Variants in SLC4A5 observed in about 807,000 individuals in gnomAD.
SLC4A5 encodes solute carrier family 4 member 5.
SLC4A5 carries 96 observed loss-of-function variants against 120.4 expected under a neutral mutation model. The observed-to-expected ratio is 0.80, with a 90% CI of 0.68 to 0.94. SLC4A5 has a LOEUF of 0.94. SLC4A5 is among the 40% of genes least tolerant of loss of function. The pLI is 0.00. For missense variants in SLC4A5, 1,259 were observed against 1,459.5 expected (o/e 0.86, Z 2.24); for synonymous variants, 550 against 571.1 (o/e 0.96, Z 0.53).
chr2:74,280,017 CT>C (rs1020519156), intron 8 of SLC4A5, among the ~76,000 whole-genome samples: 7 of 152,288 alleles, frequency 4.6e-5, no homozygotes, highest in African/African-American at 1.7e-4. Flanking sequence ...GATGAACTCT[CT>C]TAAGGATATG....
intron 5 of SLC4A5, among the ~76,000 whole-genome samples, chr2:74,324,528 G>A (rs1673173266): frequency 6.6e-6 from 1 of 152,172 alleles, no homozygotes; most frequent in South Asian, 2.1e-4. Flanking sequence ...AGTTGCTGCT[G>A]ATGATGCTGA....
intron 8 of SLC4A5, among the ~76,000 whole-genome samples, chr2:74,271,671 T>A (rs1337820790): frequency 1.3e-5 from 2 of 151,838 alleles, no homozygotes; most frequent in Non-Finnish European, 2.9e-5. Flanking sequence ...CCTGCCCAGA[T>A]CAATTGCATT....
chr2:74,225,024 G>T, intron 27 of SLC4A5, 29 bp from the exon 28 acceptor site: 1 of 1,592,122 alleles, frequency 6.3e-7, no homozygotes, highest in South Asian at 1.2e-5. Context: ...AAAGTTTTGT[G>T]AGAATTTGGA....
chr2:74,286,062 T>C (rs1419752825), intron 7 of SLC4A5, among the ~76,000 whole-genome samples, 160 bp from the exon 8 acceptor site: 2 of 152,170 alleles, frequency 1.3e-5, no homozygotes, highest in Non-Finnish European at 2.9e-5. Context: ...CCTGTAACCA[T>C]GAATCAGAGG....
chr2:74,304,151 A>C (rs1672562575), intron 7 of SLC4A5, among the ~76,000 whole-genome samples: 1 of 152,198 alleles, frequency 6.6e-6, no homozygotes, highest in Admixed American at 6.5e-5. Flanking sequence ...GCCCGGCCGC[A>C]TGTCCATTAT....
At chr2:74,291,483 A>G (rs1032405470) in intron 7 of SLC4A5, among the ~76,000 whole-genome samples, 5 of 152,200 alleles carry the variant, frequency 3.3e-5, no homozygotes, top group Non-Finnish European at 7.3e-5. Flanking sequence ...ACCAAGACCC[A>G]GTTTACCCCA....
intron 12 of SLC4A5, among the ~76,000 whole-genome samples, chr2:74,257,999 G>C (rs375532276): frequency 5.4e-4 from 83 of 152,362 alleles, no homozygotes; most frequent in African/African-American, 1.9e-3. Flanking sequence ...ATGGGAGCAT[G>C]CTAGTGTTCC....
intron 5 of SLC4A5, 141 bp from the exon 6 acceptor site, chr2:74,315,166 G>A (rs1363622832): frequency 5.6e-6 from 4 of 712,410 alleles, no homozygotes; most frequent in Admixed American, 2.1e-5. Context: ...ATAACTGGGT[G>A]CAGTGGCTCA....
chr2:74,289,976 G>A (rs1481759078), intron 7 of SLC4A5, among the ~76,000 whole-genome samples: 1 of 152,158 alleles, frequency 6.6e-6, no homozygotes, highest in Non-Finnish European at 1.5e-5. Context: ...CAGTGACATG[G>A]CTCAAACCAC....
At chr2:74,248,987 T>C (rs1324079133) in intron 17 of SLC4A5, among the ~76,000 whole-genome samples, 2 of 152,226 alleles carry the variant, frequency 1.3e-5, no homozygotes, top group African/African-American at 2.4e-5. Flanking sequence ...AATTCCCATA[T>C]AGCAGGGTTT....
intron 12 of SLC4A5, among the ~76,000 whole-genome samples, chr2:74,256,590 G>A (rs1366347835): frequency 6.6e-6 from 1 of 152,194 alleles, no homozygotes; most frequent in Non-Finnish European, 1.5e-5. Context: ...CTTCATGGGA[G>A]GAAGGTCACA....
intron 14 of SLC4A5, among the ~76,000 whole-genome samples, chr2:74,254,291 A>G (rs1670887978): frequency 6.6e-6 from 1 of 152,072 alleles, no homozygotes; most frequent in Non-Finnish European, 1.5e-5. Flanking sequence ...CTTTGTTTGG[A>G]ATGCTTGCCT....
In SLC4A5 at chr2:74,269,375, G is replaced by T. The variant is rs77802249; in HGVS notation, c.402-4111C>A. On this transcript the variant is annotated intron_variant, in intron 8 of 30. Coordinates refer to ENST00000394019, the Ensembl canonical transcript of SLC4A5. ...TGCCTGCCACCAGGCCCGGCTGTTT[G>T]TTTTTTGTTTGTTTGTTTGTTTGTT... Among the ~76,000 whole-genome samples, 120 of 123,360 alleles carry T rather than the reference G, an allele frequency of 9.7e-4. 1 individual carries two copies. The highest frequency in any genetic ancestry group is 3.6e-3 in the African/African-American group (103 of 28,702). 80.9% of individuals were successfully genotyped at this position (123,360 alleles called of 152,430 possible).
intron 6 of SLC4A5, among the ~76,000 whole-genome samples, chr2:74,310,685 T>G (rs1573090191): frequency 6.6e-6 from 1 of 152,312 alleles, no homozygotes; most frequent in Middle Eastern, 3.4e-3. Context: ...TTTTTACACA[T>G]TGTTGAATTT....
intron 7 of SLC4A5, among the ~76,000 whole-genome samples, chr2:74,293,462 C>T (rs1672235892): frequency 6.6e-6 from 1 of 152,156 alleles, no homozygotes. Context: ...GGACACCTGT[C>T]CCAAGCCTGT....
intron 17 of SLC4A5, among the ~76,000 whole-genome samples, chr2:74,249,441 A>T (rs955529954): frequency 2.0e-5 from 3 of 152,220 alleles, no homozygotes; most frequent in African/African-American, 7.2e-5. Context: ...TTGAAGAACC[A>T]AAAGATGATC....
intron 17 of SLC4A5, among the ~76,000 whole-genome samples, chr2:74,249,691 G>A (rs1670731307): frequency 6.6e-6 from 1 of 152,158 alleles, no homozygotes; most frequent in South Asian, 2.1e-4. Flanking sequence ...GGAAGATAAG[G>A]GACGCAATGT....
intron 7 of SLC4A5, chr2:74,290,437 A>G: frequency 2.0e-6 from 2 of 985,470 alleles, no homozygotes; most frequent in Non-Finnish European, 2.4e-6. Flanking sequence ...AGGGGAGAAA[A>G]AGAGAGAGAG....
At chr2:74,304,128 C>T (rs1397152242) in intron 7 of SLC4A5, among the ~76,000 whole-genome samples, 4 of 152,136 alleles carry the variant, frequency 2.6e-5, no homozygotes, top group African/African-American at 7.2e-5. Flanking sequence ...GGATTACAGG[C>T]GTGAGCCACC....
Sources: gnomAD v4.1 joint callset for allele counts (sites outside exome capture counted in the v4.1 genomes callset) on GRCh38, gnomAD v4.1.1 for gene constraint, MANE v1.5 for transcripts, NCBI Gene and HGNC (gene_info 2026-07-23, HGNC 2026-07-21) for gene names.